The following STAG2 variants were observed in gnomAD, a reference collection of about 807,000 sequenced individuals.
STAG2 encodes the protein cohesin subunit SA-2.
In STAG2, 14 loss-of-function variants were observed where a neutral mutation model predicts 108.1. The ratio of observed to expected loss-of-function variants is 0.13; its 90% CI spans 0.09 to 0.20. STAG2 has a LOEUF of 0.20. Ranked by LOEUF, STAG2 falls within the 10% of genes least tolerant of loss-of-function variation. The pLI is 1.00. For synonymous variants in STAG2, 307 were observed against 302.7 expected (o/e 1.01, Z -0.15); for missense variants, 440 against 940.9 (o/e 0.47, Z 6.96).
chrX:124,009,426 G>GATA (rs1569501802), intron 1 of STAG2, among the ~76,000 whole-genome samples: 15 of 87,155 alleles, frequency 1.7e-4, no homozygotes, highest in Admixed American at 9.1e-4. Context: ...TAGGTAGGTA[G>GATA]GTAGGTAGGT....
At chrX:124,019,276 G>T (rs1032889621) in intron 1 of STAG2, among the ~76,000 whole-genome samples, 1 of 109,549 alleles carries the variant, frequency 9.1e-6, no homozygotes, top group African/African-American at 3.3e-5. Context: ...TATCCAGGAT[G>T]GTCTCCCTGA....
intron 6 of STAG2, 71 bp downstream of exon 6, chrX:124,037,694 G>A: frequency 1.7e-6 from 1 of 594,732 alleles, no homozygotes; most frequent in South Asian, 3.9e-5. Context: ...AAGAGATGTT[G>A]TTAGCACTTT....
chrX:124,039,429 G>A (rs917822450), intron 6 of STAG2, among the ~76,000 whole-genome samples: 8 of 109,263 alleles, frequency 7.3e-5, no homozygotes, highest in Non-Finnish European at 1.1e-4. Flanking sequence ...GGCTACAGGC[G>A]TGCACCACCA....
At chrX:124,064,582 T>C (rs747355414) in intron 20 of STAG2, among the ~76,000 whole-genome samples, 1 of 109,829 alleles carries the variant, frequency 9.1e-6, no homozygotes, top group East Asian at 2.9e-4. Context: ...TAGCTGGGAC[T>C]ATAGGCGTGT....
In STAG2 at chrX:124,029,351, C is replaced by T. The variant is rs753509348; in HGVS notation, c.124-1610C>T. On this transcript the variant is annotated intron_variant, in intron 4 of 34. Transcript: ENST00000371145. ...CTCGAGACAGAGTTTCGCTCTGTCA[C>T]CCAGGCTGGAGTGCAGTGGTGTGAT... Among the ~76,000 whole-genome samples the T allele has an allele frequency of 2.8e-5, 3 of 108,686 alleles. No homozygotes were observed. In the South Asian group the frequency reaches 1.2e-3, roughly 43 times the overall value. The allele number at this position is 108,686 out of a possible 115,157, so 94.4% of individuals were successfully genotyped here. A position where few individuals can be genotyped will look rare whatever the true frequency, so the allele number is the denominator to read the frequency against.
At chrX:123,982,631 C>T (rs753653810) in intron 1 of STAG2, among the ~76,000 whole-genome samples, 2 of 111,418 alleles carry the variant, frequency 1.8e-5, no homozygotes, top group African/African-American at 3.3e-5. Flanking sequence ...AAGTGATCCG[C>T]CCACCTTGGC....
chrX:124,001,114 G>A (rs1034081842), intron 1 of STAG2, among the ~76,000 whole-genome samples: 2 of 110,778 alleles, frequency 1.8e-5, no homozygotes, highest in Middle Eastern at 4.2e-3. Context: ...CTTTAGAGAC[G>A]GAGTCTTGCT....
rs751823186 is a variant in STAG2, at chrX:124,029,404, G to A, written c.124-1557G>A. Among the ~76,000 whole-genome samples, 10 of 109,747 alleles carry A rather than the reference G, an allele frequency of 9.1e-5. No individual in the cohort carries two copies. The East Asian group carries it at 2.6e-3, about 28-fold the overall frequency. ...CGGCTCACTGCAGCCTCCACCTCCT[G>A]GGTTCAAGCAATTTTCCTGCCTCAG... On this transcript the variant is annotated intron_variant, in intron 4 of 34. Coordinates refer to ENST00000371145, the MANE Select transcript of STAG2 (RefSeq NM_001042750.2).
chrX:124,094,155 T>C lies in STAG2; in HGVS notation c.3705+11T>C. 1 of 1,194,351 alleles carries C rather than the reference T, an allele frequency of 8.4e-7. No homozygotes were observed. Among genetic ancestry groups the C allele is most frequent in the Non-Finnish European group, 1.1e-6 (1 of 882,810 alleles). On this transcript the variant is annotated intron_variant, in intron 33 of 34. Coordinates refer to ENST00000371145, the MANE Select transcript of STAG2 (RefSeq NM_001042750.2). Reference sequence around the variant, plus strand: ...ATGGATATAGATTTGGTAAGAAACTTAATGATTTCTGTAAGATTTTCAGTT... The same window carrying C: ...ATGGATATAGATTTGGTAAGAAACTCAATGATTTCTGTAAGATTTTCAGTT...
intron 19 of STAG2, 63 bp downstream of exon 19, chrX:124,063,268 G>A (rs2058433492): frequency 1.4e-5 from 12 of 847,099 alleles, no homozygotes; most frequent in East Asian, 3.3e-5. Context: ...ATATCATAGC[G>A]TTTGTTTATA....
At chrX:123,971,792 T>G (rs745653620) in intron 1 of STAG2, among the ~76,000 whole-genome samples, 24 of 111,883 alleles carry the variant, frequency 2.1e-4, no homozygotes, top group Non-Finnish European at 4.3e-4. Context: ...TTGTAGAAAT[T>G]TTTACTGAGA....
intron 1 of STAG2, among the ~76,000 whole-genome samples, chrX:123,994,155 A>C (rs776311698): frequency 1.4e-3 from 161 of 111,967 alleles, no homozygotes; most frequent in Non-Finnish European, 2.7e-3. Flanking sequence ...ATAAGGTCAA[A>C]GGGGAAGTGG....
chrX:123,977,655 T>C (rs931877661), intron 1 of STAG2, among the ~76,000 whole-genome samples: 4 of 110,133 alleles, frequency 3.6e-5, no homozygotes, highest in African/African-American at 9.9e-5. Context: ...TGAAAAAAAA[T>C]AGAAAAATTA....
At chrX:124,055,587 T>G (rs531195309) in intron 13 of STAG2, among the ~76,000 whole-genome samples, 2 of 112,663 alleles carry the variant, frequency 1.8e-5, no homozygotes, top group East Asian at 5.5e-4. Flanking sequence ...GTAAGATTTT[T>G]TTCCCCAGTG....
At position 124,101,753 on chromosome X, in the gene STAG2, A is replaced by G. The variant is rs924278171; in HGVS notation, c.*1156A>G. 1.2e-5 allele frequency: 2 copies of G among 160,780 alleles called. No homozygotes were observed. The highest frequency in any genetic ancestry group is 3.0e-5 in the African/African-American group (1 of 33,172). 13.3% of individuals were successfully genotyped at this position (160,780 alleles called of 1,213,427 possible). A position where few individuals can be genotyped will look rare whatever the true frequency, so the allele number is the denominator to read the frequency against. ...TACATTTCCTCTGTATGTAAATTAG[A>G]TGGGATAATAGAATTCATAACCCAT... On this transcript the variant is annotated 3_prime_UTR_variant, in exon 35 of 35. Coordinates refer to ENST00000371145, the MANE Select transcript of STAG2 (RefSeq NM_001042750.2).
intron 11 of STAG2, 86 bp downstream of exon 11, chrX:124,050,395 A>G (rs1338686089): frequency 1.0e-6 from 1 of 957,890 alleles, no homozygotes. Context: ...CCCAGTATGT[A>G]TACCTGGTGA....
chrX:123,974,177 T>C, intron 1 of STAG2, among the ~76,000 whole-genome samples: 1 of 110,949 alleles, frequency 9.0e-6, no homozygotes, highest in Admixed American at 9.7e-5. Flanking sequence ...CTTCAGTCTT[T>C]GGCAGTTGTT....
intron 1 of STAG2, among the ~76,000 whole-genome samples, chrX:123,986,912 C>T (rs1192179103): frequency 9.1e-6 from 1 of 110,168 alleles, no homozygotes; most frequent in Non-Finnish European, 1.9e-5. Context: ...CTTCTGGGCT[C>T]AAGCAATCCT....
chrX:123,967,962 G>A (rs1184372542), intron 1 of STAG2, among the ~76,000 whole-genome samples: 1 of 108,210 alleles, frequency 9.2e-6, no homozygotes, highest in Non-Finnish European at 1.9e-5. Context: ...GTGCAGTGGC[G>A]AGATCTTGGC....
Sources: allele counts gnomAD v4.1 joint callset (sites outside exome capture counted in the v4.1 genomes callset), GRCh38; gene constraint gnomAD v4.1.1; transcripts MANE v1.5; gene names NCBI Gene and HGNC (gene_info 2026-07-23, HGNC 2026-07-21).